The following MTHFD2L variants were observed in gnomAD, a reference collection of about 807,000 sequenced individuals.
MTHFD2L encodes the protein methylenetetrahydrofolate dehydrogenase (NADP+ dependent) 2 like, also known as bifunctional methylenetetrahydrofolate dehydrogenase/cyclohydrolase 2, mitochondrial.
MTHFD2L carries 29 observed loss-of-function variants against 34.9 expected under a neutral mutation model. That is an observed-to-expected ratio of 0.83 (90% CI 0.62 to 1.13). The LOEUF is 1.13. MTHFD2L is among the 50% of genes most tolerant of loss of function. The pLI, the probability that MTHFD2L is intolerant of heterozygous loss-of-function variation, is 0.00. For synonymous variants in MTHFD2L, 167 were observed against 155.7 expected (o/e 1.07, Z -0.54); for missense variants, 481 against 446.5 (o/e 1.08, Z -0.70).
chr4:74,186,455 A>C (rs1172192710), intron 3 of MTHFD2L, among the ~76,000 whole-genome samples: 4 of 150,930 alleles, frequency 2.7e-5, no homozygotes, highest in African/African-American at 9.7e-5. Context: ...AAAAAAAAAA[A>C]AAAACAGCTA....
chr4:74,149,889 T>C (rs996967660), intron 1 of MTHFD2L, among the ~76,000 whole-genome samples: 6 of 152,208 alleles, frequency 3.9e-5, no homozygotes, highest in African/African-American at 1.4e-4. Flanking sequence ...ACAGATGTGA[T>C]TATGGTTTGT....
chr4:74,117,191 C>A (rs1346631063), intron 2 of MTHFD2L, among the ~76,000 whole-genome samples: 1 of 152,184 alleles, frequency 6.6e-6, no homozygotes, highest in Non-Finnish European at 1.5e-5. Flanking sequence ...GTCTAGGAAA[C>A]AGTGAGTCAT....
At chr4:74,141,022 C>G (rs1189739449) in intron 1 of MTHFD2L, among the ~76,000 whole-genome samples, 2 of 152,176 alleles carry the variant, frequency 1.3e-5, no homozygotes, top group East Asian at 3.8e-4. Context: ...CCAAATATGA[C>G]AGTACTCATA....
At position 74,179,390 on chromosome 4, in the gene MTHFD2L, A is replaced by G. The variant is rs1163786159; in HGVS notation, c.451+3987A>G. 3.3e-5 allele frequency among the ~76,000 whole-genome samples: 5 copies of G among 151,982 alleles called. No individual in the cohort carries two copies. In the South Asian group the frequency reaches 6.2e-4, roughly 19 times the overall value. ...TACCTTGCTCAATAATGGTATTCCTATTTTTATTCATAATTTCTTTTTGGT... is the reference window on the plus strand; with the variant it reads ...TACCTTGCTCAATAATGGTATTCCTGTTTTTATTCATAATTTCTTTTTGGT... On this transcript the variant is annotated intron_variant, in intron 3 of 7. Coordinates refer to ENST00000325278, the MANE Select transcript of MTHFD2L (RefSeq NM_001144978.3).
At chr4:74,301,177 G>A (rs1418991889) in intron 7 of MTHFD2L, among the ~76,000 whole-genome samples, 1 of 152,010 alleles carries the variant, frequency 6.6e-6, no homozygotes, top group Non-Finnish European at 1.5e-5. Flanking sequence ...CCATACCTCT[G>A]AACAGGACTA....
intron 1 of MTHFD2L, among the ~76,000 whole-genome samples, chr4:74,163,313 C>T (rs940729263): frequency 1.1e-4 from 16 of 152,036 alleles, no homozygotes; most frequent in African/African-American, 3.9e-4. Context: ...TCCTTGTAAT[C>T]TGTATTTTAT....
At chr4:74,201,650 A>G (rs1734458953) in intron 5 of MTHFD2L, among the ~76,000 whole-genome samples, 1 of 151,784 alleles carries the variant, frequency 6.6e-6, no homozygotes, top group South Asian at 2.1e-4. Context: ...TACTAGATAC[A>G]AAAGATTCAC....
chr4:74,147,300 T>A (rs1723651657), intron 1 of MTHFD2L, among the ~76,000 whole-genome samples: 2 of 152,106 alleles, frequency 1.3e-5, no homozygotes, highest in African/African-American at 2.4e-5. Flanking sequence ...TAAGCCCAGG[T>A]TCCCCTTGGC....
chr4:74,185,959 A>G (rs1731156104), intron 3 of MTHFD2L, among the ~76,000 whole-genome samples: 1 of 152,220 alleles, frequency 6.6e-6, no homozygotes, highest in Admixed American at 6.5e-5. Flanking sequence ...GGTATCCTTC[A>G]TGAAGATAGA....
At chr4:74,247,820 G>A (rs1381206874) in intron 6 of MTHFD2L, among the ~76,000 whole-genome samples, 1 of 152,140 alleles carries the variant, frequency 6.6e-6, no homozygotes, top group African/African-American at 2.4e-5. Context: ...TTGCATCCCA[G>A]GGATGAAGCC....
At chr4:74,234,623 T>C (rs1740571522) in intron 6 of MTHFD2L, among the ~76,000 whole-genome samples, 1 of 152,072 alleles carries the variant, frequency 6.6e-6, no homozygotes, top group African/African-American at 2.4e-5. Flanking sequence ...TTAAGCCATA[T>C]AGCAGGCATT....
At chr4:74,184,873 T>C (rs1356287171) in intron 3 of MTHFD2L, among the ~76,000 whole-genome samples, 1 of 152,018 alleles carries the variant, frequency 6.6e-6, no homozygotes, top group Non-Finnish European at 1.5e-5. Context: ...TGGAAGGCTG[T>C]GCACAGTGGC....
intron 3 of MTHFD2L, among the ~76,000 whole-genome samples, chr4:74,189,378 A>G (rs906841657): frequency 1.3e-5 from 2 of 151,940 alleles, no homozygotes; most frequent in Non-Finnish European, 2.9e-5. Flanking sequence ...AGGGAGGTTT[A>G]TATCAAAGAG....
At position 74,167,240 on chromosome 4, in the gene MTHFD2L, T is replaced by C. The variant is rs141660973; in HGVS notation, c.144-7266T>C. On this transcript the variant is annotated intron_variant, in intron 1 of 7. Transcript: ENST00000325278. ...AGGGCTTTAGCAGCAAGCCCACCCA[T>C]GGGCCATGCCGGATGGCCCATCAAG... is the stretch of plus-strand genomic sequence containing the variant. Among the ~76,000 whole-genome samples the C allele has an allele frequency of 1.5e-3, 232 of 152,268 alleles. 1 individual carries two copies. The highest frequency in any genetic ancestry group is 5.2e-3 in the African/African-American group (218 of 41,560).
At chr4:74,284,904 A>C (rs1034443877) in intron 7 of MTHFD2L, among the ~76,000 whole-genome samples, 5 of 152,102 alleles carry the variant, frequency 3.3e-5, no homozygotes, top group Non-Finnish European at 7.4e-5. Context: ...TGTTTATTTC[A>C]GTACTATTCA....
chr4:74,190,913 T>C (rs1458883302), intron 3 of MTHFD2L, among the ~76,000 whole-genome samples: 1 of 152,218 alleles, frequency 6.6e-6, no homozygotes, highest in African/African-American at 2.4e-5. Flanking sequence ...TGTTTTTTGT[T>C]TTTTTGAGAC....
intron 1 of MTHFD2L, among the ~76,000 whole-genome samples, chr4:74,130,646 AG>A (rs1194195630): frequency 1.3e-5 from 2 of 152,220 alleles, no homozygotes; most frequent in African/African-American, 4.8e-5. Context: ...ATTGGGCAAA[AG>A]CTGGAAGCAT....
At chr4:74,179,015 T>A (rs576716338) in intron 3 of MTHFD2L, among the ~76,000 whole-genome samples, 31 of 152,138 alleles carry the variant, frequency 2.0e-4, no homozygotes, top group African/African-American at 7.0e-4. Context: ...TGGCAGGCAC[T>A]CCCTTACCTG....
intron 2 of MTHFD2L, among the ~76,000 whole-genome samples, chr4:74,116,973 T>C (rs1313092447): frequency 2.0e-5 from 3 of 152,262 alleles, no homozygotes; most frequent in African/African-American, 7.2e-5. Flanking sequence ...TCGTTTTCTC[T>C]TTTGTAGATG....
Sources: allele counts gnomAD v4.1 joint callset (sites outside exome capture counted in the v4.1 genomes callset), GRCh38; gene constraint gnomAD v4.1.1; transcripts MANE v1.5; gene names NCBI Gene and HGNC (gene_info 2026-07-23, HGNC 2026-07-21).